Variants in BTBD9 observed in about 807,000 individuals in gnomAD.
BTBD9 encodes the protein BTB/POZ domain-containing protein 9.
Under a neutral mutation model 64.3 loss-of-function variants are expected in BTBD9, and 49 were observed. The ratio of observed to expected loss-of-function variants is 0.76; its 90% CI spans 0.61 to 0.97. The LOEUF (loss-of-function observed/expected upper bound fraction) is 0.97. Among genes scored for constraint, BTBD9 ranks in the 50% least tolerant of loss-of-function variants. The pLI is 0.00. For missense variants in BTBD9, 598 were observed against 762.1 expected (o/e 0.78, Z 2.53); for synonymous variants, 260 against 274.7 (o/e 0.95, Z 0.53).
chr6:38,626,266 G>A (rs1778165337), intron 1 of BTBD9, among the ~76,000 whole-genome samples: 1 of 152,174 alleles, frequency 6.6e-6, no homozygotes, highest in South Asian at 2.1e-4. Flanking sequence ...CATGGAAAAT[G>A]GGGTATCCAT....
chr6:38,490,158 G>A (rs1771638969), intron 6 of BTBD9, among the ~76,000 whole-genome samples: 1 of 152,140 alleles, frequency 6.6e-6, no homozygotes, highest in Admixed American at 6.5e-5. Context: ...GAGTAGAAAC[G>A]CTACCAGATG....
intron 6 of BTBD9, among the ~76,000 whole-genome samples, chr6:38,488,535 G>C (rs116009434): frequency 5.5e-4 from 84 of 152,244 alleles, no homozygotes; most frequent in African/African-American, 2.0e-3. Flanking sequence ...GCACAGTCCT[G>C]TCTCCGGGCT....
At chr6:38,448,807 C>T (rs779216986) in intron 6 of BTBD9, among the ~76,000 whole-genome samples, 7 of 152,068 alleles carry the variant, frequency 4.6e-5, no homozygotes, top group Non-Finnish European at 5.9e-5. Flanking sequence ...CATGAGCCAC[C>T]GCACCCGGCC....
At chr6:38,289,530 T>C (rs1761879121) in intron 7 of BTBD9, among the ~76,000 whole-genome samples, 1 of 152,234 alleles carries the variant, frequency 6.6e-6, no homozygotes, top group South Asian at 2.1e-4. Flanking sequence ...ATTCTGAAAG[T>C]CTGTTTAAAG....
At chr6:38,374,320 T>TATATAC (rs1765593231) in intron 6 of BTBD9, among the ~76,000 whole-genome samples, 9 of 114,446 alleles carry the variant, frequency 7.9e-5, no homozygotes, top group African/African-American at 3.1e-4. Context: ...TATATATATA[T>TATATAC]ATATATGTAT....
intron 6 of BTBD9, among the ~76,000 whole-genome samples, chr6:38,526,638 C>T (rs1773510251): frequency 6.6e-6 from 1 of 152,248 alleles, no homozygotes; most frequent in Admixed American, 6.5e-5. Flanking sequence ...GAGTGCACCC[C>T]TTGCATCAGT....
intron 6 of BTBD9, among the ~76,000 whole-genome samples, chr6:38,514,310 T>C (rs1772912604): frequency 6.6e-6 from 1 of 152,250 alleles, no homozygotes; most frequent in African/African-American, 2.4e-5. Flanking sequence ...TCCTAATATG[T>C]GTCTATTCTT....
At chr6:38,288,485 G>A in intron 7 of BTBD9, 24 bp from the exon 8 acceptor site, 3 of 1,610,978 alleles carry the variant, frequency 1.9e-6, no homozygotes, top group South Asian at 2.2e-5. Context: ...AACAAGATTT[G>A]GCATCAGGAT....
rs138865024 is a variant in BTBD9 at position 38,438,319 on chromosome 6, T to A, written c.1155-93226A>T. Among the ~76,000 whole-genome samples the A allele has an allele frequency of 1.1e-3, 162 of 151,694 alleles. 1 individual carries two copies. The highest frequency in any genetic ancestry group is 3.7e-3 in the African/African-American group (155 of 41,392). ...CAATTTAGTACACAAAAAACTGCTT[T>A]CACATACTTTGGATCCTCAGCATAA... On this transcript the variant is annotated intron_variant, in intron 6 of 10. Transcript: ENST00000481247.
intron 6 of BTBD9, among the ~76,000 whole-genome samples, chr6:38,517,398 G>C (rs777474195): frequency 3.3e-5 from 5 of 152,134 alleles, no homozygotes; most frequent in Admixed American, 6.6e-5. Context: ...TGTGTATCTT[G>C]TCAGCTACGT....
intron 6 of BTBD9, among the ~76,000 whole-genome samples, chr6:38,526,903 T>C (rs1258706640): frequency 6.6e-6 from 1 of 152,188 alleles, no homozygotes; most frequent in Admixed American, 6.5e-5. Context: ...CTTTGGATTA[T>C]GGACTATGGA....
chr6:38,203,604 G>A (rs187696395), intron 9 of BTBD9, among the ~76,000 whole-genome samples: 50 of 152,206 alleles, frequency 3.3e-4, no homozygotes, highest in Admixed American at 9.2e-4. Context: ...GCAGCAACAC[G>A]GATGAAACTG....
chr6:38,515,618 T>C (rs1246977729), intron 6 of BTBD9, among the ~76,000 whole-genome samples: 6 of 152,166 alleles, frequency 3.9e-5, no homozygotes, highest in Non-Finnish European at 7.4e-5. Flanking sequence ...TCCATACTCC[T>C]CTCCTACAAC....
intron 1 of BTBD9, among the ~76,000 whole-genome samples, chr6:38,599,178 C>A (rs13196708): frequency 0.081 from 12,338 of 152,156 alleles, 657 homozygotes; most frequent in Middle Eastern, 0.18. Flanking sequence ...ACAAAATTAA[C>A]TGAAAATCAA....
At chr6:38,409,955 A>G (rs1767337432) in intron 6 of BTBD9, among the ~76,000 whole-genome samples, 1 of 152,234 alleles carries the variant, frequency 6.6e-6, no homozygotes, top group South Asian at 2.1e-4. Context: ...CCAGTCAGTT[A>G]TCTCCCTAGC....
In BTBD9 at chr6:38,363,198, C is replaced by T. The variant is rs77189601; in HGVS notation, c.1155-18105G>A. On this transcript the variant is annotated intron_variant, in intron 6 of 10. Coordinates refer to ENST00000481247, the MANE Select transcript of BTBD9 (RefSeq NM_001099272.2). ...CCAACTCCTGGGCTCAACGATTCCACCTGTTTCAGCCTCCAGCATAGCTGG... is the reference window on the plus strand; with the variant it reads ...CCAACTCCTGGGCTCAACGATTCCATCTGTTTCAGCCTCCAGCATAGCTGG... Among the ~76,000 whole-genome samples, 157 of 152,280 alleles carry T rather than the reference C, an allele frequency of 1.0e-3. 4 individuals carry two copies. The East Asian group carries it at 0.017, about 16-fold the overall frequency.
chr6:38,342,534 T>C (rs1214100580), intron 7 of BTBD9, among the ~76,000 whole-genome samples: 3 of 88,386 alleles, frequency 3.4e-5, no homozygotes, highest in African/African-American at 1.5e-4. Flanking sequence ...AGACTCTGTC[T>C]CAAAAAAAAA....
chr6:38,391,639 T>C (rs1025522715), intron 6 of BTBD9, among the ~76,000 whole-genome samples: 9 of 152,064 alleles, frequency 5.9e-5, no homozygotes, highest in Non-Finnish European at 1.2e-4. Flanking sequence ...TTTTCTTTTT[T>C]TTTTTTTTTT....
intron 6 of BTBD9, among the ~76,000 whole-genome samples, chr6:38,546,016 G>C (rs1259360952): frequency 3.3e-5 from 5 of 152,064 alleles, no homozygotes. Context: ...TCAGGTAGTA[G>C]CTAGTGGATA....
Sources: gnomAD v4.1 joint callset for allele counts (sites outside exome capture counted in the v4.1 genomes callset) on GRCh38, gnomAD v4.1.1 for gene constraint, MANE v1.5 for transcripts, NCBI Gene and HGNC (gene_info 2026-07-23, HGNC 2026-07-21) for gene names.